Variants in PHACTR1 observed in about 807,000 individuals in gnomAD.
PHACTR1 encodes the protein RPEL repeat containing 1.
Under a neutral mutation model 69.2 loss-of-function variants are expected in PHACTR1, and 16 were observed. The observed-to-expected ratio is 0.23, with a 90% CI of 0.16 to 0.35. The LOEUF is 0.35. Ranked by LOEUF, PHACTR1 falls within the 10% of genes least tolerant of loss-of-function variation. The pLI, the probability that PHACTR1 is intolerant of heterozygous loss-of-function variation, is 1.00. For missense variants in PHACTR1, 510 were observed against 734.7 expected (o/e 0.69, Z 3.54); for synonymous variants, 312 against 284.5 (o/e 1.10, Z -0.97).
chr6:13,174,984 T>C (rs921992334), intron 6 of PHACTR1, among the ~76,000 whole-genome samples: 1 of 152,238 alleles, frequency 6.6e-6, no homozygotes, highest in Admixed American at 6.5e-5. Flanking sequence ...AACATAATGC[T>C]GGACACCGAA....
At chr6:13,057,373 A>G (rs138649084) in intron 5 of PHACTR1, among the ~76,000 whole-genome samples, 80 of 152,314 alleles carry the variant, frequency 5.3e-4, no homozygotes, top group African/African-American at 1.8e-3. Flanking sequence ...ATCCTTTCAT[A>G]TGTACAATAT....
chr6:12,841,633 G>A (rs563289121), intron 4 of PHACTR1, among the ~76,000 whole-genome samples: 2 of 152,168 alleles, frequency 1.3e-5, no homozygotes, highest in South Asian at 2.1e-4. Context: ...TTAGTCAAAC[G>A]GAATAATTCA....
At chr6:13,229,118 T>A (rs1409728678) in intron 9 of PHACTR1, among the ~76,000 whole-genome samples, 2 of 152,204 alleles carry the variant, frequency 1.3e-5, no homozygotes, top group African/African-American at 4.8e-5. Context: ...AGCCCCTGTT[T>A]GCTGTTCAGT....
intron 4 of PHACTR1, among the ~76,000 whole-genome samples, chr6:13,050,256 G>A (rs1369948555): frequency 2.0e-5 from 3 of 152,104 alleles, no homozygotes; most frequent in East Asian, 1.9e-4. Context: ...ATTCCTTGTC[G>A]TAGCTGTGTT....
chr6:12,851,268 TA>T (rs1779799157), intron 4 of PHACTR1, among the ~76,000 whole-genome samples: 1 of 152,350 alleles, frequency 6.6e-6, no homozygotes, highest in East Asian at 1.9e-4. Context: ...GAACTTTAAA[TA>T]GCCTAGTTCA....
At chr6:12,969,864 G>A (rs1297526161) in intron 4 of PHACTR1, among the ~76,000 whole-genome samples, 1 of 152,214 alleles carries the variant, frequency 6.6e-6, no homozygotes, top group Non-Finnish European at 1.5e-5. Flanking sequence ...TCAGGAGGCT[G>A]AGGCAGGAGA....
At chr6:13,194,298 G>A (rs1011027816) in intron 7 of PHACTR1, among the ~76,000 whole-genome samples, 1 of 151,892 alleles carries the variant, frequency 6.6e-6, no homozygotes. Flanking sequence ...AGCTACTCAG[G>A]AGGCTGAGGC....
chr6:12,733,158 C>CAATGTTTCATTTAACAGGATATTTGT (rs2127574774), intron 3 of PHACTR1, among the ~76,000 whole-genome samples: 1 of 152,242 alleles, frequency 6.6e-6, no homozygotes, highest in African/African-American at 2.4e-5. Flanking sequence ...GCAAATGCCC[C>CAATGTTTCATTTAACAGGATATTTGT]AATGTTTCAT....
intron 10 of PHACTR1, among the ~76,000 whole-genome samples, chr6:13,233,338 G>GATTCTTAAATACTGCTTGGAATTTGTA (rs11272260): frequency 6.6e-6 from 1 of 151,964 alleles, no homozygotes; most frequent in Admixed American, 6.5e-5. Context: ...CCCTTATAAG[G>GATTCTTAAATACTGCTTGGAATTTGTA]ACATCCACTG....
intron 5 of PHACTR1, among the ~76,000 whole-genome samples, chr6:13,067,273 G>A (rs1808793839): frequency 6.6e-6 from 1 of 152,178 alleles, no homozygotes; most frequent in African/African-American, 2.4e-5. Context: ...AGCTTAGGGA[G>A]ACTCAATAAT....
At chr6:13,041,436 CA>C (rs35158688) in intron 4 of PHACTR1, among the ~76,000 whole-genome samples, 24,800 of 151,282 alleles carry the variant, frequency 0.16, 2,539 homozygotes, top group South Asian at 0.26. Context: ...CTCACTTCAG[CA>C]GTACTATTTG....
At chr6:13,205,542 G>A (rs558163030) in intron 7 of PHACTR1, among the ~76,000 whole-genome samples, 2 of 152,298 alleles carry the variant, frequency 1.3e-5, no homozygotes, top group South Asian at 2.1e-4. Context: ...TATCTGGGCC[G>A]CTCCCAAGTC....
intron 4 of PHACTR1, among the ~76,000 whole-genome samples, chr6:12,840,616 G>C (rs552489045): frequency 6.6e-6 from 1 of 152,244 alleles, no homozygotes; most frequent in East Asian, 1.9e-4. Flanking sequence ...AACTTTCTGG[G>C]ACCTTATGAT....
intron 5 of PHACTR1, among the ~76,000 whole-genome samples, chr6:13,130,933 A>G (rs1019194598): frequency 6.6e-6 from 1 of 152,120 alleles, no homozygotes; most frequent in Non-Finnish European, 1.5e-5. Context: ...ACTGAATCCA[A>G]TTGCATATCA....
chr6:12,752,830 G>T (rs114989479), intron 4 of PHACTR1, among the ~76,000 whole-genome samples: 2,036 of 152,306 alleles, frequency 0.013, 37 homozygotes, highest in South Asian at 0.074. Flanking sequence ...CAAAATGTGG[G>T]TCTTTCATCA....
chr6:12,929,150 A>G (rs890551714), intron 4 of PHACTR1, among the ~76,000 whole-genome samples: 2 of 152,172 alleles, frequency 1.3e-5, no homozygotes, highest in Non-Finnish European at 2.9e-5. Flanking sequence ...ACTGGCACAG[A>G]GGAACAAAAG....
chr6:12,964,222 G>A (rs11967396), intron 4 of PHACTR1, among the ~76,000 whole-genome samples: 4,268 of 152,186 alleles, frequency 0.028, 199 homozygotes, highest in African/African-American at 0.098. Context: ...CGCAGTATAT[G>A]AGAAAAGGAA....
intron 5 of PHACTR1, among the ~76,000 whole-genome samples, chr6:13,092,248 G>T (rs1813406195): frequency 6.6e-6 from 1 of 152,190 alleles, no homozygotes; most frequent in Non-Finnish European, 1.5e-5. Context: ...TTCCTAACAG[G>T]CCACAGACCA....
chr6:12,808,539 C>T (rs1273543434), intron 4 of PHACTR1, among the ~76,000 whole-genome samples: 1 of 151,966 alleles, frequency 6.6e-6, no homozygotes, highest in Non-Finnish European at 1.5e-5. Flanking sequence ...GGTAAAACTA[C>T]ATAAAACTTA....
Sources: gnomAD v4.1 joint callset for allele counts (sites outside exome capture counted in the v4.1 genomes callset) on GRCh38, gnomAD v4.1.1 for gene constraint, MANE v1.5 for transcripts, NCBI Gene and HGNC (gene_info 2026-07-23, HGNC 2026-07-21) for gene names.